SLC15A2: variants seen among roughly 807,000 people sequenced by gnomAD.
SLC15A2 encodes solute carrier family 15 member 2.
A neutral mutation model predicts 95.5 loss-of-function variants in SLC15A2; 77 were observed. That is an observed-to-expected ratio of 0.81 (90% CI 0.67 to 0.97). The LOEUF (loss-of-function observed/expected upper bound fraction) is 0.97. Ranked by LOEUF, SLC15A2 falls within the 50% of genes least tolerant of loss-of-function variation. The probability of loss-of-function intolerance (pLI) is 0.00; values close to 1 mark genes in which losing one functional copy is unlikely to be tolerated. For missense variants in SLC15A2, 893 were observed against 874.4 expected (o/e 1.02, Z -0.27); for synonymous variants, 306 against 306.9 (o/e 1.00, Z 0.03).
At chr3:121,909,305 C>T (rs1174669365) in intron 3 of SLC15A2, among the ~76,000 whole-genome samples, 4 of 152,102 alleles carry the variant, frequency 2.6e-5, no homozygotes, top group African/African-American at 7.2e-5. Context: ...TCAAGTGATC[C>T]GTCCACCTCA....
Position 121,927,665 on chromosome 3 carries a change from T to A in SLC15A2, c.1125-93T>A, listed in dbSNP as rs111513693. On this transcript the variant is annotated intron_variant, in intron 13 of 21. Transcript: ENST00000489711. ...TTTCTTTACAGCAATGCAAGAACAG[T>A]CTAATGCAGTCTTTAATAATAGGCT... The A allele has an allele frequency of 4.5e-6, 4 of 880,180 alleles. No individual in the cohort carries two copies. In the Admixed American group the frequency reaches 7.5e-5, roughly 16 times the overall value. 54.5% of individuals were successfully genotyped at this position (880,180 alleles called of 1,614,324 possible).
intron 3 of SLC15A2, among the ~76,000 whole-genome samples, chr3:121,903,575 C>T (rs113983373): frequency 6.6e-6 from 1 of 152,120 alleles, no homozygotes; most frequent in Non-Finnish European, 1.5e-5. Context: ...ATATGGCTAG[C>T]CAGTTTTCCT....
intron 19 of SLC15A2, among the ~76,000 whole-genome samples, chr3:121,937,986 C>G (rs13317021): frequency 0.37 from 54,448 of 148,798 alleles, 10,016 homozygotes; most frequent in East Asian, 0.68. Context: ...TTCTAACAGA[C>G]AGGACCCTCA....
intron 7 of SLC15A2, 54 bp from the exon 8 acceptor site, chr3:121,922,166 T>C: frequency 6.7e-7 from 1 of 1,485,678 alleles, no homozygotes; most frequent in Non-Finnish European, 9.4e-7. Context: ...CAATAACCTT[T>C]GCACCAACCT....
intron 19 of SLC15A2, among the ~76,000 whole-genome samples, 198 bp downstream of exon 19, chr3:121,931,933 C>G (rs1323288050): frequency 6.6e-6 from 1 of 152,114 alleles, no homozygotes; most frequent in East Asian, 1.9e-4. Flanking sequence ...GAGTTTCGCT[C>G]TCATCGCGCA....
intron 14 of SLC15A2, chr3:121,928,193 G>A: frequency 1.7e-6 from 1 of 578,700 alleles, no homozygotes; most frequent in South Asian, 2.3e-5. Flanking sequence ...CCACAGCTGA[G>A]TCAAAAAGCA....
intron 7 of SLC15A2, among the ~76,000 whole-genome samples, chr3:121,918,026 AAACATTTT>A (rs1208536168): frequency 1.3e-5 from 2 of 152,248 alleles, no homozygotes; most frequent in Non-Finnish European, 2.9e-5. Context: ...GGAACTCTAA[AAACATTTT>A]AACAGAGGAA....
At chr3:121,921,251 G>A (rs1311708297) in intron 7 of SLC15A2, among the ~76,000 whole-genome samples, 1 of 152,152 alleles carries the variant, frequency 6.6e-6, no homozygotes, top group African/African-American at 2.4e-5. Flanking sequence ...AGTGGGAAAC[G>A]GCAGGTTGAG....
At chr3:121,908,192 C>T (rs1026035637) in intron 3 of SLC15A2, among the ~76,000 whole-genome samples, 13 of 152,300 alleles carry the variant, frequency 8.5e-5, no homozygotes, top group South Asian at 2.1e-4. Flanking sequence ...CCAAGCCAGG[C>T]GCAGGATATA....
intron 5 of SLC15A2, among the ~76,000 whole-genome samples, chr3:121,914,359 T>C (rs574990050): frequency 6.6e-6 from 1 of 152,316 alleles, no homozygotes; most frequent in African/African-American, 2.4e-5. Context: ...CAACTTTATT[T>C]GAAAGTTGTT....
At position 121,928,319 on chromosome 3, in the gene SLC15A2, T is replaced by A. The variant is rs1710162176; in HGVS notation, c.1207-102T>A. 2.9e-6 allele frequency: 4 copies of A among 1,381,928 alleles called. No individual in the cohort carries two copies. The South Asian group carries it at 5.7e-5, about 20-fold the overall frequency. 85.6% of individuals were successfully genotyped at this position (1,381,928 alleles called of 1,614,324 possible). On this transcript the variant is annotated intron_variant, in intron 14 of 21. Coordinates refer to ENST00000489711, the MANE Select transcript of SLC15A2 (RefSeq NM_021082.4). ...TTCAGAGGGAGAAAACTATGTCTAC[T>A]TGGCTAGTGGACTAGGCTGTCAGAA...
chr3:121,930,995 G>A (rs775935272), intron 18 of SLC15A2, 45 bp downstream of exon 18: 5 of 1,275,176 alleles, frequency 3.9e-6, no homozygotes, highest in Admixed American at 3.4e-5. Flanking sequence ...GTCAATAATT[G>A]TTTTTTAAGT....
At chr3:121,923,006 T>C in intron 9 of SLC15A2, 34 bp from the exon 10 acceptor site, 2 of 1,605,620 alleles carry the variant, frequency 1.2e-6, no homozygotes, top group East Asian at 2.2e-5. Flanking sequence ...ACAGAACTTC[T>C]AGCATTTCTG....
chr3:121,900,954 C>G (rs976217478), intron 3 of SLC15A2, among the ~76,000 whole-genome samples: 7 of 149,776 alleles, frequency 4.7e-5, no homozygotes, highest in Non-Finnish European at 7.4e-5. Context: ...TCCCCACCCA[C>G]CCCAGTCATT....
chr3:121,921,674 G>A lies in SLC15A2; in HGVS notation c.698-546G>A, dbSNP rs180880499. On this transcript the variant is annotated intron_variant, in intron 7 of 21. Coordinates refer to ENST00000489711, the MANE Select transcript of SLC15A2 (RefSeq NM_021082.4). The stretch of plus-strand genomic sequence containing the variant: ...GGTAAGTATTAATAGATCCTGGAAA[G>A]AAACATTTGGCATCAGATTAAAGAA... 1.1e-3 allele frequency among the ~76,000 whole-genome samples: 167 copies of A among 151,754 alleles called. 1 individual carries two copies. The highest frequency in any genetic ancestry group is 1.8e-3 in the Non-Finnish European group (124 of 68,004).
At chr3:121,932,566 C>T (rs1289390643) in intron 19 of SLC15A2, among the ~76,000 whole-genome samples, 1 of 152,050 alleles carries the variant, frequency 6.6e-6, no homozygotes, top group Non-Finnish European at 1.5e-5. Flanking sequence ...GGCAGAGTAA[C>T]TGATTTTAAT....
chr3:121,909,932 A>G (rs1288395933), intron 3 of SLC15A2, among the ~76,000 whole-genome samples: 1 of 152,054 alleles, frequency 6.6e-6, no homozygotes, highest in Non-Finnish European at 1.5e-5. Flanking sequence ...GATTTAGTCC[A>G]TCAATTGGAT....
chr3:121,924,844 GTGTAGATGTGAGACAGAGTGTAAACA>G, intron 12 of SLC15A2, 75 bp from the exon 13 acceptor site: 1 of 831,960 alleles, frequency 1.2e-6, no homozygotes, highest in Non-Finnish European at 2.1e-6. Context: ...ACAAAAGTGT[GTGTAGATGTGAGACAGAGTGTAAACA>G]AGCAAATGAG....
intron 9 of SLC15A2, 36 bp downstream of exon 9, chr3:121,922,897 TAG>T (rs766172657): frequency 6.3e-7 from 1 of 1,583,176 alleles, no homozygotes; most frequent in East Asian, 2.2e-5. Flanking sequence ...TATGGCTTGA[TAG>T]AGTCTTTCCT....
Sources: allele counts gnomAD v4.1 joint callset (sites outside exome capture counted in the v4.1 genomes callset), GRCh38; gene constraint gnomAD v4.1.1; transcripts MANE v1.5; gene names NCBI Gene and HGNC (gene_info 2026-07-23, HGNC 2026-07-21).